The following TAF8 variants were observed in gnomAD, a reference collection of about 807,000 sequenced individuals.
The protein encoded by TAF8 is transcription initiation factor TFIID subunit 8.
TAF8 carries 47 observed loss-of-function variants against 36.5 expected under a neutral mutation model. That is an observed-to-expected ratio of 1.29 (90% CI 1.02 to 1.64). TAF8 has a LOEUF of 1.64. TAF8 is among the 40% of genes most tolerant of loss of function. The pLI is 0.00. For synonymous variants in TAF8, 175 were observed against 159.5 expected, an observed-to-expected ratio of 1.10 and a Z score of -0.73; for missense variants, 420 against 407.6, an observed-to-expected ratio of 1.03 and a Z score of -0.26.
rs774518011 is a variant in TAF8, at chr6:42,077,520, C to T, written c.921-13C>T. 1 of 1,612,604 alleles carries T rather than the reference C, an allele frequency of 6.2e-7. No homozygotes were observed. The highest frequency in any genetic ancestry group is 8.5e-7 in the Non-Finnish European group (1 of 1,179,388). ...CCCACACCAGGAGGCTCCATGGTTC[C>T]TCTTCTTTCTAGGTCCCTCTCCTGA... On this transcript the variant is annotated splice_polypyrimidine_tract_variant and intron_variant, in intron 8 of 8. Coordinates refer to ENST00000372977, the MANE Select transcript of TAF8 (RefSeq NM_138572.3).
intron 8 of TAF8, 45 bp from the exon 9 acceptor site, chr6:42,077,488 G>C (rs1216765820): frequency 6.2e-7 from 1 of 1,608,728 alleles, no homozygotes; most frequent in Non-Finnish European, 8.5e-7. Flanking sequence ...AAGGAGAGCA[G>C]ACAGGGCCCA....
chr6:42,071,648 A>G (rs1455973062), intron 7 of TAF8, among the ~76,000 whole-genome samples: 2 of 151,122 alleles, frequency 1.3e-5, no homozygotes, highest in South Asian at 4.2e-4. Flanking sequence ...TTTTTTTTAA[A>G]TATTGAATTA....
At chr6:42,083,875 T>A (rs1212258458), downstream of TAF8, among the ~76,000 whole-genome samples, 1 of 151,988 alleles carries the variant, frequency 6.6e-6, no homozygotes, top group African/African-American at 2.4e-5. Flanking sequence ...GGGCTGAGTG[T>A]GGCAGTGAAG....
intron 2 of TAF8, 148 bp from the exon 3 acceptor site, chr6:42,055,383 A>G: frequency 1.6e-6 from 1 of 621,590 alleles, no homozygotes; most frequent in Non-Finnish European, 2.9e-6. Flanking sequence ...GCTGCTGTGA[A>G]CATTGGTGTA....
In TAF8 at chr6:42,066,494, T is replaced by C. The variant is rs201626601; in HGVS notation, c.637+35T>C. 2.3e-5 allele frequency: 37 copies of C among 1,607,910 alleles called. No homozygotes were observed. The East Asian group carries it at 7.4e-4, about 32-fold the overall frequency. On this transcript the variant is annotated intron_variant, in intron 6 of 8. Transcript: ENST00000372977. ...GCCCCACTGTGTGGACCCTGTCTTA[T>C]TTGAAACACTCACATTATCTTTTCT...
At chr6:42,056,697 C>T (rs534971022) in intron 4 of TAF8, among the ~76,000 whole-genome samples, 7 of 152,266 alleles carry the variant, frequency 4.6e-5, no homozygotes, top group South Asian at 4.1e-4. Context: ...CCTCTGCCTC[C>T]GAGGTTCAAG....
At chr6:42,055,388 G>A (rs1397800192) in intron 2 of TAF8, 143 bp from the exon 3 acceptor site, 1 of 625,236 alleles carries the variant, frequency 1.6e-6, no homozygotes, top group African/African-American at 1.8e-5. Context: ...TGTGAACATT[G>A]GTGTACTAGT....
At chr6:42,054,155 G>A (rs189768950) in intron 2 of TAF8, among the ~76,000 whole-genome samples, 1 of 152,050 alleles carries the variant, frequency 6.6e-6, no homozygotes, top group East Asian at 1.9e-4. Context: ...GAAACCTCCT[G>A]TCCACCTTGG....
At chr6:42,060,114 A>G (rs1351835599) in intron 5 of TAF8, among the ~76,000 whole-genome samples, 1 of 152,198 alleles carries the variant, frequency 6.6e-6, no homozygotes, top group African/African-American at 2.4e-5. Flanking sequence ...CTATAAGGTA[A>G]ATAACGAGTC....
At chr6:42,065,677 G>T (rs144093762) in intron 5 of TAF8, among the ~76,000 whole-genome samples, 2 of 152,128 alleles carry the variant, frequency 1.3e-5, no homozygotes, top group East Asian at 1.9e-4. Context: ...TTCCCTGGGG[G>T]CACTCCCACT....
At chr6:42,064,343 C>G (rs1765286056) in intron 5 of TAF8, among the ~76,000 whole-genome samples, 1 of 151,132 alleles carries the variant, frequency 6.6e-6, no homozygotes, top group Admixed American at 6.6e-5. Context: ...ACCTCTGTCT[C>G]CCAGGTTCAA....
At chr6:42,056,128 T>C (rs755678548) in intron 4 of TAF8, 114 bp downstream of exon 4, 1 of 726,064 alleles carries the variant, frequency 1.4e-6, no homozygotes, top group Non-Finnish European at 2.5e-6. Flanking sequence ...GTGGGCTCTC[T>C]TCCAATGTTT....
At position 42,080,772 on chromosome 6, in the gene TAF8, C is replaced by G. The variant is rs1222799734; in HGVS notation, c.*3227C>G. On this transcript the variant is annotated 3_prime_UTR_variant, in exon 9 of 9. Coordinates refer to ENST00000372977, the MANE Select transcript of TAF8 (RefSeq NM_138572.3). ...ACCCTGTATAAAAATGCAAAATTCT[C>G]AATGTGTATTTATAAATTTCTATTT... is the stretch of plus-strand genomic sequence containing the variant. 1.0e-6 allele frequency: 1 copy of G among 982,204 alleles called. No individual in the cohort carries two copies. The highest frequency in any genetic ancestry group is 1.1e-4 in the East Asian group (1 of 8,818). The allele number at this position is 982,204 out of a possible 1,614,324, so 60.8% of individuals were successfully genotyped here.
intron 5 of TAF8, among the ~76,000 whole-genome samples, chr6:42,058,644 C>T (rs552496338): frequency 5.3e-5 from 8 of 152,210 alleles, no homozygotes; most frequent in African/African-American, 1.9e-4. Flanking sequence ...TAGTAGCTGC[C>T]CAGCTAATGC....
At chr6:42,074,029 G>A (rs954044707) in intron 7 of TAF8, among the ~76,000 whole-genome samples, 2 of 152,174 alleles carry the variant, frequency 1.3e-5, no homozygotes, top group Non-Finnish European at 2.9e-5. Context: ...GGTGGTGCAT[G>A]CCCATAGTTG....
chr6:42,050,531 G>T lies in TAF8; in HGVS notation c.-11G>T. 7.4e-7 allele frequency: 1 copy of T among 1,348,084 alleles called. No homozygotes were observed. Among genetic ancestry groups the T allele is most frequent in the Non-Finnish European group, 9.8e-7 (1 of 1,019,550 alleles). The allele number at this position is 1,348,084 out of a possible 1,614,324, so 83.5% of individuals were successfully genotyped here. A position where few individuals can be genotyped will look rare whatever the true frequency, so the allele number is the denominator to read the frequency against. ...CGCGCCCCGCGCTCGCGCACACTAC[G>T]CCAGAACAAGATGGCCGACGCGGCG... On this transcript the variant is annotated 5_prime_UTR_variant, in exon 1 of 9. Coordinates refer to ENST00000372977, the MANE Select transcript of TAF8 (RefSeq NM_138572.3).
At chr6:42,066,601 T>C (rs1311244875) in intron 6 of TAF8, 142 bp downstream of exon 6, 3 of 949,906 alleles carry the variant, frequency 3.2e-6, no homozygotes, top group Non-Finnish European at 4.7e-6. Flanking sequence ...TCTGGCTCCC[T>C]TCCCCAGGTC....
intron 7 of TAF8, chr6:42,071,310 AC>A (rs1765559072): frequency 6.8e-6 from 1 of 146,684 alleles, no homozygotes. Flanking sequence ...GCCTGGACAT[AC>A]TTTTTTTTTT....
chr6:42,051,694 C>G, intron 2 of TAF8, 181 bp downstream of exon 2: 1 of 558,256 alleles, frequency 1.8e-6, no homozygotes, highest in Non-Finnish European at 3.0e-6. Context: ...AGCGTGGTGG[C>G]TCACGCCTGT....
Sources: gnomAD v4.1 joint callset for allele counts (sites outside exome capture counted in the v4.1 genomes callset) on GRCh38, gnomAD v4.1.1 for gene constraint, MANE v1.5 for transcripts, NCBI Gene and HGNC (gene_info 2026-07-23, HGNC 2026-07-21) for gene names.